MDGA1: variants seen among roughly 807,000 people sequenced by gnomAD.
The protein encoded by MDGA1 is MAM domain-containing glycosylphosphatidylinositol anchor protein 1.
MDGA1 carries 54 observed loss-of-function variants against 101.5 expected under a neutral mutation model. That is an observed-to-expected ratio of 0.53 (90% CI 0.43 to 0.67). The LOEUF is 0.67. MDGA1 is among the 30% of genes least tolerant of loss of function. MDGA1 has a pLI of 0.00. For missense variants in MDGA1, 1,083 were observed against 1,323.8 expected (o/e 0.82, Z 2.82); for synonymous variants, 533 against 558.3 (o/e 0.95, Z 0.64).
intron 14 of MDGA1, 148 bp downstream of exon 14, chr6:37,643,661 T>C (rs778444614): frequency 1.8e-5 from 20 of 1,103,432 alleles, no homozygotes; most frequent in Non-Finnish European, 2.4e-5. Flanking sequence ...TTGCCAATTC[T>C]CTGTGCAGAC....
intron 1 of MDGA1, among the ~76,000 whole-genome samples, chr6:37,692,554 A>C (rs1262560079): frequency 1.3e-5 from 2 of 152,006 alleles, no homozygotes; most frequent in African/African-American, 4.8e-5. Context: ...AGCTGGGAGA[A>C]GCTGGGGCTG....
Position 37,637,258 on chromosome 6 carries a change from GGGCC to G in MDGA1, c.*106_*109del. 1.3e-6 allele frequency: 1 copy of G among 798,234 alleles called. No individual in the cohort carries two copies. The highest frequency in any genetic ancestry group is 2.1e-6 in the Non-Finnish European group (1 of 483,968). The allele number at this position is 798,234 out of a possible 1,614,324, so 49.4% of individuals were successfully genotyped here. On this transcript the variant is annotated 3_prime_UTR_variant, in exon 17 of 17. Coordinates refer to ENST00000434837, the MANE Select transcript of MDGA1 (RefSeq NM_153487.4). ...AGCCAATGCAGGCCCCCTCCCTGGC[GGGCC>G]GGCCCTGCCCCTGGGCACCCCAGCT...
At position 37,697,490 on chromosome 6, in the gene MDGA1, GGAA is replaced by G. The variant is rs1762446511; in HGVS notation, c.-682_-680del. The G allele has an allele frequency of 6.6e-6, 1 of 152,200 alleles. No individual in the cohort carries two copies. Among genetic ancestry groups the G allele is most frequent in the Non-Finnish European group, 1.5e-5 (1 of 68,036 alleles). 9.4% of individuals were successfully genotyped at this position (152,200 alleles called of 1,614,324 possible). ...TAGCCGAGCCGCCGATAAACCCGGG[GGAA>G]GAATAGCAGCCCGGCGCCCCGCGGG... On this transcript the variant is annotated 5_prime_UTR_variant, in exon 1 of 17. Transcript: ENST00000434837.
chr6:37,674,238 G>A (rs746823198), intron 1 of MDGA1, among the ~76,000 whole-genome samples: 137 of 152,210 alleles, frequency 9.0e-4, no homozygotes, highest in Non-Finnish European at 1.8e-3. Flanking sequence ...CAGAGTGCAT[G>A]TGTCTCTGAC....
chr6:37,646,517 C>T (rs1761202148), intron 10 of MDGA1, 142 bp from the exon 11 acceptor site: 1 of 601,240 alleles, frequency 1.7e-6, no homozygotes, highest in East Asian at 3.0e-5. Flanking sequence ...CACACTGAAA[C>T]ATTAATAAGT....
chr6:37,637,530 C>A, intron 16 of MDGA1, 71 bp from the exon 17 acceptor site: 1 of 1,349,890 alleles, frequency 7.4e-7, no homozygotes, highest in Non-Finnish European at 1.1e-6. Context: ...AAGTGGCAGG[C>A]AGGTCGGCAC....
intron 16 of MDGA1, 40 bp from the exon 17 acceptor site, chr6:37,637,499 G>C (rs1763956389): frequency 6.4e-7 from 1 of 1,565,410 alleles, no homozygotes; most frequent in African/African-American, 1.4e-5. Flanking sequence ...CAGGGCTCTG[G>C]TCAGCTCTGG....
At chr6:37,644,686 C>T in intron 12 of MDGA1, 37 bp from the exon 13 acceptor site, 1 of 1,489,432 alleles carries the variant, frequency 6.7e-7, no homozygotes, top group African/African-American at 1.4e-5. Flanking sequence ...AAGAGTCAGC[C>T]TCTTCAGTCC....
rs1289313049 is a variant in MDGA1, at chr6:37,696,383, A to C, written c.67+362T>G. Among the ~76,000 whole-genome samples, 4 of 152,070 alleles carry C rather than the reference A, an allele frequency of 2.6e-5. No individual in the cohort carries two copies. Among genetic ancestry groups the C allele is most frequent in the Non-Finnish European group, 5.9e-5 (4 of 68,016 alleles). On this transcript the variant is annotated intron_variant, in intron 1 of 16. Transcript: ENST00000434837. This position sits in a 1 kb window ranked among gnomAD's most constrained non-coding sequence, Gnocchi z 5.6. Reference sequence around the variant, plus strand: ...ATGCATCGCTTGGCTTCCACTCCGGAGGCCGAGCCAGGACGAGGTTTCGGT... The same window carrying C: ...ATGCATCGCTTGGCTTCCACTCCGGCGGCCGAGCCAGGACGAGGTTTCGGT...
At chr6:37,637,484 C>A (rs756315936) in intron 16 of MDGA1, 25 bp from the exon 17 acceptor site, 1 of 1,601,416 alleles carries the variant, frequency 6.2e-7, no homozygotes. Context: ...AAAGAGGAGA[C>A]AGGCCAGGGC....
intron 1 of MDGA1, among the ~76,000 whole-genome samples, chr6:37,695,027 A>G (rs1173270610): frequency 6.6e-6 from 1 of 152,010 alleles, no homozygotes; most frequent in Non-Finnish European, 1.5e-5. Flanking sequence ...GGAACAGAGG[A>G]ACCTCCCAAA....
intron 3 of MDGA1, 140 bp downstream of exon 3, chr6:37,658,105 G>A: frequency 1.1e-6 from 1 of 927,694 alleles, no homozygotes. Context: ...CACACCGCCT[G>A]GTACCTCTTA....
intron 6 of MDGA1, among the ~76,000 whole-genome samples, chr6:37,653,626 C>G (rs138548752): frequency 2.0e-4 from 31 of 152,110 alleles, no homozygotes; most frequent in African/African-American, 6.7e-4. Flanking sequence ...AAACAAAATC[C>G]CTAAAGCTGC....
intron 1 of MDGA1, among the ~76,000 whole-genome samples, chr6:37,675,729 C>T (rs1429805430): frequency 6.6e-6 from 1 of 152,146 alleles, no homozygotes; most frequent in African/African-American, 2.4e-5. Context: ...GACCCATGGA[C>T]ACAGGGTTAC....
chr6:37,683,446 C>T (rs115040680), intron 1 of MDGA1, among the ~76,000 whole-genome samples: 1,596 of 152,308 alleles, frequency 0.01, 26 homozygotes, highest in African/African-American at 0.036. Context: ...CTGTTGCTGC[C>T]CCACCTGCAC....
chr6:37,679,876 C>T (rs796160616), intron 1 of MDGA1, among the ~76,000 whole-genome samples: 6 of 152,180 alleles, frequency 3.9e-5, no homozygotes, highest in African/African-American at 7.2e-5. Flanking sequence ...GGTTAGTGAG[C>T]GGCCGAGCAG....
At chr6:37,647,482 A>G (rs6901281) in intron 9 of MDGA1, among the ~76,000 whole-genome samples, 158 bp from the exon 10 acceptor site, 82,060 of 149,932 alleles carry the variant, frequency 0.55, 22,868 homozygotes, top group South Asian at 0.64. Context: ...GAACGTTGGG[A>G]GAAGAGGGGA....
At position 37,636,795 on chromosome 6, in the gene MDGA1, T is replaced by C. The variant is rs2113990289; in HGVS notation, c.*573A>G. ...TGTGCAGCAGGTGCCCTACCTTCCT[T>C]GTCTCCTGGACGTGGGACAGTCACA... On this transcript the variant is annotated 3_prime_UTR_variant, in exon 17 of 17. Coordinates refer to ENST00000434837, the MANE Select transcript of MDGA1 (RefSeq NM_153487.4). 6.5e-6 allele frequency: 1 copy of C among 152,978 alleles called. No homozygotes were observed. The highest frequency in any genetic ancestry group is 1.9e-4 in the East Asian group (1 of 5,180). 9.5% of individuals were successfully genotyped at this position (152,978 alleles called of 1,614,324 possible). A position where few individuals can be genotyped will look rare whatever the true frequency, so the allele number is the denominator to read the frequency against.
chr6:37,669,541 C>A (rs1475241605), intron 1 of MDGA1, among the ~76,000 whole-genome samples: 2 of 152,260 alleles, frequency 1.3e-5, no homozygotes, highest in South Asian at 2.1e-4. Context: ...CATCACCCCC[C>A]ACTGAGTTTC....
Sources: allele counts gnomAD v4.1 joint callset (sites outside exome capture counted in the v4.1 genomes callset), GRCh38; gene constraint gnomAD v4.1.1; non-coding constraint Gnocchi (gnomAD v3.1); transcripts MANE v1.5; gene names NCBI Gene and HGNC (gene_info 2026-07-23, HGNC 2026-07-21).